The following MYH14 variants were observed in gnomAD, a reference collection of about 807,000 sequenced individuals.
MYH14 encodes the protein myosin heavy chain 14, also known as myosin-14.
In MYH14, 123 loss-of-function variants were observed where a neutral mutation model predicts 255.5. That is an observed-to-expected ratio of 0.48 (90% confidence interval 0.42 to 0.56). MYH14 has a LOEUF of 0.56. Ranked by LOEUF, MYH14 falls within the 20% of genes least tolerant of loss-of-function variation. The probability of loss-of-function intolerance (pLI) is 0.00; values close to 1 mark genes in which losing one functional copy is unlikely to be tolerated. For missense variants in MYH14, 2,423 were observed against 2,802.3 expected, an observed-to-expected ratio of 0.86 and a Z score of 3.06; for synonymous variants, 1,095 against 1,161.2, an observed-to-expected ratio of 0.94 and a Z score of 1.16.
chr19:50,309,196 C>G lies in MYH14; in HGVS notation c.5960+19C>G, dbSNP rs749202291. 6.2e-7 allele frequency: 1 copy of G among 1,612,834 alleles called. No individual in the cohort carries two copies. The highest frequency in any genetic ancestry group is 8.5e-7 in the Non-Finnish European group (1 of 1,178,874). On this transcript the variant is annotated intron_variant, in intron 42 of 42. Transcript: ENST00000642316. ...GGCTTCGGTATGGTCATCCCACGTA[C>G]AGGCCTGACGGGTGGGGAGCACCCT...
chr19:50,230,885 G>A lies in MYH14; in HGVS notation c.973+262G>A. ...GCCACGCAGCCCCCGCCGCCTGGTG[G>A]CTCCTGCTCACGCTCGCTTCCGAAG... On this transcript the variant is annotated intron_variant, in intron 9 of 42. Coordinates refer to ENST00000642316, the MANE Select transcript of MYH14 (RefSeq NM_001145809.2). The surrounding 1 kb of genome is among the most constrained non-coding windows in gnomAD (Gnocchi z 4.7). The A allele has an allele frequency of 2.1e-6, 1 of 481,442 alleles. No homozygotes were observed. Among genetic ancestry groups the A allele is most frequent in the Admixed American group, 3.4e-5 (1 of 29,482 alleles). The allele number at this position is 481,442 out of a possible 1,614,324, so 29.8% of individuals were successfully genotyped here.
At position 50,225,580 on chromosome 19, in the gene MYH14, G is replaced by A. The variant is rs545741529; in HGVS notation, c.718-5G>A. The A allele has an allele frequency of 1.2e-5, 20 of 1,612,166 alleles. No homozygotes were observed. The East Asian group carries it at 1.3e-4, about 11-fold the overall frequency. On this transcript the variant is annotated splice_polypyrimidine_tract_variant and splice_region_variant and intron_variant, in intron 6 of 42. Transcript: ENST00000642316. ...ACCTCATGCATCATCTCCTGTGCCC[G>A]GCAGGGTGAGCTGGAGCGGCAGCTG... is the stretch of plus-strand genomic sequence containing the variant.
chr19:50,283,929 A>G (rs1380854756), intron 33 of MYH14, among the ~76,000 whole-genome samples: 1 of 152,052 alleles, frequency 6.6e-6, no homozygotes, highest in African/African-American at 2.4e-5. Context: ...AAAATTAGGT[A>G]GGCATGGTGG....
In MYH14 at chr19:50,301,721, G is replaced by C; in HGVS notation, c.5530G>C (p.Gly1844Arg). 1 of 1,613,900 alleles carries C rather than the reference G, an allele frequency of 6.2e-7. No individual in the cohort carries two copies. The highest frequency in any genetic ancestry group is 8.5e-7 in the Non-Finnish European group (1 of 1,179,838). The change falls in exon 40 of 43, where the codon GGG becomes CGG. Residue 1844 changes from glycine (G) to arginine (R), a missense_variant. By Grantham distance (125) the Gly-to-Arg change is moderately radical. This residue lies in a region of MYH14 where 1,513 missense variants were observed against 1,674.8 expected (regional missense o/e 0.90). Transcript: ENST00000642316. ...ERSFSAKAES[G>R]RQQLERQIQE... is the part of the protein sequence containing the mutation. ...CAGTTTCTCAGCCAAGGCAGAGAGC[G>C]GGCGGCAGCAGCTGGAACGGCAGAT... is the stretch of plus-strand genomic sequence containing the variant.
chr19:50,217,872 A>G (rs1437033668), intron 3 of MYH14, 101 bp downstream of exon 3: 1 of 1,433,682 alleles, frequency 7.0e-7, no homozygotes, highest in African/African-American at 1.4e-5. Context: ...GACAGCTTGT[A>G]GACTTGACTC....
intron 1 of MYH14, among the ~76,000 whole-genome samples, chr19:50,207,295 G>GAGAGAGAC (rs2031848919): frequency 6.7e-6 from 1 of 150,146 alleles, no homozygotes; most frequent in Admixed American, 6.7e-5. Flanking sequence ...GAGAGAGAGA[G>GAGAGAGAC]AGAGAGAGAG....
intron 5 of MYH14, 64 bp downstream of exon 5, chr19:50,223,413 C>T (rs1446271263): frequency 8.7e-7 from 1 of 1,147,730 alleles, no homozygotes; most frequent in Non-Finnish European, 1.3e-6. Context: ...CCATCTTGGG[C>T]TTTCCCCACA....
Position 50,278,194 on chromosome 19 carries a change from C to G in MYH14, c.3937C>G (p.Arg1313Gly), listed in dbSNP as rs886854359. 6.2e-7 allele frequency: 1 copy of G among 1,610,512 alleles called. No individual in the cohort carries two copies. The highest frequency in any genetic ancestry group is 1.1e-5 in the South Asian group (1 of 90,318). Residue 1313 changes from arginine to glycine, a missense_variant, in exon 30 of 43, where the codon CGC (arginine) becomes GGC (glycine). By Grantham distance (125) the Arg-to-Gly change is moderately radical. Around this residue, in one of 3 missense-constraint regions of MYH14, gnomAD observed 1,513 missense variants for 1,674.8 expected, o/e 0.90. Coordinates refer to ENST00000642316, the MANE Select transcript of MYH14 (RefSeq NM_001145809.2). ...ACGTCAGGAGGGTGAGCAGCGGAGG[C>G]GCCGCCTGGAGTTACAGCTGCAGGA... ...TARQEGEQRRRRLELQLQEVQ... is the reference protein window; with the variant it reads ...TARQEGEQRRGRLELQLQEVQ...
Position 50,217,781 on chromosome 19 carries a change from G to C in MYH14, c.562+10G>C. The C allele has an allele frequency of 1.2e-6, 2 of 1,611,474 alleles. No individual in the cohort carries two copies. The highest frequency in any genetic ancestry group is 1.7e-6 in the Non-Finnish European group (2 of 1,178,612). On this transcript the variant is annotated intron_variant, in intron 3 of 42. Coordinates refer to ENST00000642316, the MANE Select transcript of MYH14 (RefSeq NM_001145809.2). The stretch of plus-strand genomic sequence containing the variant: ...CGGAGCATGCTGCAGGGTGAGTGCT[G>C]GGTGGGGCTGTAGGCCAGCGAGGCG...
intron 33 of MYH14, among the ~76,000 whole-genome samples, chr19:50,282,338 G>A (rs1224958646): frequency 6.6e-6 from 1 of 152,118 alleles, no homozygotes; most frequent in Admixed American, 6.6e-5. Flanking sequence ...ATCCCAATTC[G>A]GCCTCTTGAT....
In MYH14 at chr19:50,271,445, C is replaced by A; in HGVS notation, c.3070C>A (p.Arg1024=). ...CCACCTTGAGGCTGAGGAGGGTGCG[C>A]GGCAGAAGCTGCAGCTGGAGAAGGT... is the stretch of plus-strand genomic sequence containing the variant. ...EAHLEAEEGA[R]QKLQLEKVTT... The change falls in exon 25 of 43, where the codon CGG becomes AGG. Residue 1024 remains arginine, a synonymous_variant. Transcript: ENST00000642316. The A allele has an allele frequency of 6.2e-7, 1 of 1,606,698 alleles. No individual in the cohort carries two copies. Among genetic ancestry groups the A allele is most frequent in the Non-Finnish European group, 8.5e-7 (1 of 1,176,878 alleles).
At chr19:50,241,644 A>AT (rs2033895804) in intron 10 of MYH14, among the ~76,000 whole-genome samples, 1 of 71,910 alleles carries the variant, frequency 1.4e-5, no homozygotes, top group Non-Finnish European at 2.9e-5. Flanking sequence ...ACTGTATATT[A>AT]ATTTTTTTTT....
At chr19:50,279,282 T>G (rs2035625874) in intron 30 of MYH14, among the ~76,000 whole-genome samples, 2 of 152,114 alleles carry the variant, frequency 1.3e-5, no homozygotes, top group Non-Finnish European at 2.9e-5. Flanking sequence ...AACATAACGG[T>G]TTCAAGATTC....
intron 5 of MYH14, among the ~76,000 whole-genome samples, chr19:50,223,827 G>T (rs1282108553): frequency 6.6e-6 from 1 of 152,178 alleles, no homozygotes; most frequent in East Asian, 1.9e-4. Flanking sequence ...GTACAGTGAG[G>T]CCGGGCACAG....
At chr19:50,246,389 C>T (rs1323016901) in intron 11 of MYH14, among the ~76,000 whole-genome samples, 3 of 152,106 alleles carry the variant, frequency 2.0e-5, no homozygotes, top group South Asian at 2.1e-4. Flanking sequence ...GATCCGCCCA[C>T]CTTGGCCTCC....
chr19:50,208,613 G>A (rs1440968660), intron 1 of MYH14, among the ~76,000 whole-genome samples: 1 of 152,080 alleles, frequency 6.6e-6, no homozygotes, highest in Admixed American at 6.6e-5. Context: ...CTGTCAAATA[G>A]CAATATAATA....
chr19:50,289,353 T>A, intron 34 of MYH14, 83 bp from the exon 35 acceptor site: 1 of 1,154,024 alleles, frequency 8.7e-7, no homozygotes, highest in South Asian at 1.3e-5. Context: ...CCATCCTCCA[T>A]CAAATCTTCC....
At chr19:50,207,052 GAAAAAAAAAAAAA>G (rs11334892) in intron 1 of MYH14, among the ~76,000 whole-genome samples, 17 of 38,630 alleles carry the variant, frequency 4.4e-4, no homozygotes, top group African/African-American at 9.8e-4. Context: ...GTTTCTACCA[GAAAAAAAAAAAAA>G]AAAAAAAAAA....
At chr19:50,287,368 A>G (rs760324376) in intron 34 of MYH14, among the ~76,000 whole-genome samples, 1 of 152,222 alleles carries the variant, frequency 6.6e-6, no homozygotes, top group Non-Finnish European at 1.5e-5. Flanking sequence ...ATTTGTGTAC[A>G]CGGGATGTAA....
Sources: allele counts gnomAD v4.1 joint callset (sites outside exome capture counted in the v4.1 genomes callset), GRCh38; gene constraint gnomAD v4.1.1; regional missense constraint gnomAD v4.1.1; non-coding constraint Gnocchi (gnomAD v3.1); transcripts MANE v1.5; gene names NCBI Gene and HGNC (gene_info 2026-07-23, HGNC 2026-07-21).